ANKHD1: variants seen among roughly 807,000 people sequenced by gnomAD.
ANKHD1 encodes the protein ankyrin repeat and KH domain-containing protein 1.
ANKHD1 carries 31 observed loss-of-function variants against 230.5 expected under a neutral mutation model. That is an observed-to-expected ratio of 0.13 (90% CI 0.10 to 0.18). The LOEUF (loss-of-function observed/expected upper bound fraction) is 0.18. ANKHD1 is among the 10% of genes least tolerant of loss of function. The probability of loss-of-function intolerance (pLI) is 1.00; values close to 1 mark genes in which losing one functional copy is unlikely to be tolerated. For synonymous variants in ANKHD1, 1,074 were observed against 1,117.6 expected, an observed-to-expected ratio of 0.96 and a Z score of 0.78; for missense variants, 2,256 against 3,071.3, an observed-to-expected ratio of 0.73 and a Z score of 6.27.
At chr5:140,430,506 T>G (rs1772948156) in intron 1 of ANKHD1, among the ~76,000 whole-genome samples, 1 of 152,186 alleles carries the variant, frequency 6.6e-6, no homozygotes. Context: ...CTAATTTCAT[T>G]AGACATACTA....
At chr5:140,472,101 CA>C in intron 10 of ANKHD1, 1 of 703,682 alleles carries the variant, frequency 1.4e-6, no homozygotes. Context: ...ACAGTCTCTA[CA>C]GATGAGAATC....
At chr5:140,503,059 T>A (rs568474519) in intron 15 of ANKHD1, among the ~76,000 whole-genome samples, 8 of 152,280 alleles carry the variant, frequency 5.3e-5, no homozygotes, top group Non-Finnish European at 1.0e-4. Flanking sequence ...CTAAACTGAG[T>A]CATTCACACT....
At position 140,529,469 on chromosome 5, in the gene ANKHD1, G is replaced by A; in HGVS notation, c.6523G>A (p.Ala2175Thr). The A allele has an allele frequency of 6.2e-7, 1 of 1,614,188 alleles. No individual in the cohort carries two copies. The change falls in exon 29 of 34, where the codon GCT becomes ACT. Residue 2175 changes from alanine to threonine, a missense_variant. Physicochemically the swap from Ala to Thr is moderately conservative, Grantham distance 58. Around this residue, in one of 13 missense-constraint regions of ANKHD1, gnomAD observed 778 missense variants for 966.5 expected, o/e 0.80. Coordinates refer to ENST00000360839, the MANE Select transcript of ANKHD1 (RefSeq NM_017747.3). ...VTLTPPQGPPAAVQLSSAVNI... is the reference protein window; with the variant it reads ...VTLTPPQGPPTAVQLSSAVNI... ...TTTAACACCACCTCAAGGCCCACCA[G>A]CTGCAGTGCAGCTTTCTTCAGCTGT... is the stretch of plus-strand genomic sequence containing the variant.
intron 1 of ANKHD1, among the ~76,000 whole-genome samples, chr5:140,418,439 C>T (rs541177738): frequency 6.6e-6 from 1 of 152,094 alleles, no homozygotes; most frequent in Non-Finnish European, 1.5e-5. Flanking sequence ...TGAGCCACTA[C>T]GCCTGGCCCA....
Position 140,533,426 on chromosome 5 carries a change from A to G in ANKHD1, c.6851-1936A>G, listed in dbSNP as rs184211345. On this transcript the variant is annotated intron_variant, in intron 29 of 33. Coordinates refer to ENST00000360839, the MANE Select transcript of ANKHD1 (RefSeq NM_017747.3). ...ATCCTGGTTAACACGGTGAAACCCC[A>G]TCTCTACTAAAAATATAAAAAAATT... Among the ~76,000 whole-genome samples, 1,076 of 152,032 alleles carry G rather than the reference A, an allele frequency of 7.1e-3. 10 individuals carry two copies. Among genetic ancestry groups the G allele is most frequent in the African/African-American group, 0.025 (1,020 of 41,494 alleles).
Position 140,441,140 on chromosome 5 carries a change from C to A in ANKHD1, c.911C>A (p.Thr304Lys). The A allele has an allele frequency of 6.3e-7, 1 of 1,583,350 alleles. No individual in the cohort carries two copies. The highest frequency in any genetic ancestry group is 8.6e-7 in the Non-Finnish European group (1 of 1,167,396). Residue 304 changes from threonine (T) to lysine (K), a missense_variant and splice_region_variant, in exon 5 of 34, where the codon ACA (threonine) becomes AAA (lysine). Around this residue, in one of 13 missense-constraint regions of ANKHD1, gnomAD observed 206 missense variants for 304.5 expected, o/e 0.68. Coordinates refer to ENST00000360839, the MANE Select transcript of ANKHD1 (RefSeq NM_017747.3). ...GCTGATGTCAACTCCCAGTCTGCAA[C>A]AGGTATGTAGAAAATGATGTATTAA... ...HDADVNSQSATGNTALTYACA... is the reference protein window; with the variant it reads ...HDADVNSQSAKGNTALTYACA...
intron 10 of ANKHD1, among the ~76,000 whole-genome samples, chr5:140,480,321 G>A (rs185160741): frequency 1.5e-3 from 222 of 151,952 alleles, no homozygotes; most frequent in African/African-American, 5.2e-3. Context: ...GAGGATATTG[G>A]GACTGTACTT....
intron 25 of ANKHD1, chr5:140,524,981 T>C: frequency 3.2e-6 from 1 of 317,146 alleles, no homozygotes; most frequent in Non-Finnish European, 6.2e-6. Context: ...ATTACAGGCG[T>C]GGTGGCACAT....
At chr5:140,412,607 G>A (rs751482528) in intron 1 of ANKHD1, among the ~76,000 whole-genome samples, 1 of 152,144 alleles carries the variant, frequency 6.6e-6, no homozygotes, top group African/African-American at 2.4e-5. Flanking sequence ...CATTTAAAAA[G>A]GATTAAGAAA....
intron 6 of ANKHD1, among the ~76,000 whole-genome samples, chr5:140,446,457 C>G (rs1774289560): frequency 6.6e-6 from 1 of 152,080 alleles, no homozygotes; most frequent in South Asian, 2.1e-4. Context: ...GCCTCCTGGG[C>G]TCAAGTGATT....
At chr5:140,483,532 A>G (rs1035695786) in intron 11 of ANKHD1, among the ~76,000 whole-genome samples, 2 of 128,250 alleles carry the variant, frequency 1.6e-5, no homozygotes, top group African/African-American at 6.2e-5. Context: ...AACTTGGCTT[A>G]CTGCAACCTC....
chr5:140,442,467 A>G (rs528727152), intron 5 of ANKHD1, among the ~76,000 whole-genome samples: 15 of 152,264 alleles, frequency 9.9e-5, no homozygotes, highest in African/African-American at 3.6e-4. Flanking sequence ...TTCACCTCAG[A>G]TAGTCAGTTG....
At chr5:140,472,285 C>T in intron 10 of ANKHD1, 1 of 1,613,492 alleles carries the variant, frequency 6.2e-7, no homozygotes, top group Non-Finnish European at 8.5e-7. Flanking sequence ...ATAGATCCGG[C>T]CAAGCATCAG....
At position 140,441,277 on chromosome 5, in the gene ANKHD1, G is replaced by A. The variant is rs1773827548; in HGVS notation, c.913+135G>A. On this transcript the variant is annotated intron_variant, in intron 5 of 33. Coordinates refer to ENST00000360839, the MANE Select transcript of ANKHD1 (RefSeq NM_017747.3). ...CTTAGCCCTTGTGTAGAATCTTTGA[G>A]TAAAATACAAATTAATTTGACATCC... 3.3e-6 allele frequency: 4 copies of A among 1,201,696 alleles called. No individual in the cohort carries two copies. In the South Asian group the frequency reaches 9.0e-5, roughly 27 times the overall value. The allele number at this position is 1,201,696 out of a possible 1,614,324, so 74.4% of individuals were successfully genotyped here.
chr5:140,490,663 C>T (rs1184265214), intron 14 of ANKHD1, among the ~76,000 whole-genome samples: 3 of 152,204 alleles, frequency 2.0e-5, no homozygotes, highest in Admixed American at 6.5e-5. Flanking sequence ...ACTGGTTCTA[C>T]AGAAAGATTC....
intron 14 of ANKHD1, among the ~76,000 whole-genome samples, chr5:140,495,129 A>C (rs538644925): frequency 6.6e-6 from 1 of 152,238 alleles, no homozygotes; most frequent in South Asian, 2.1e-4. Context: ...ATATGAGTGG[A>C]ATTACACAAT....
intron 15 of ANKHD1, among the ~76,000 whole-genome samples, chr5:140,504,064 T>G (rs114890696): frequency 1.0e-4 from 14 of 134,218 alleles, no homozygotes; most frequent in South Asian, 5.4e-4. Context: ...TCCCCCACCC[T>G]TTTTTTTAGA....
chr5:140,511,846 A>C (rs939225893), intron 22 of ANKHD1, among the ~76,000 whole-genome samples: 7 of 152,336 alleles, frequency 4.6e-5, no homozygotes, highest in African/African-American at 1.7e-4. Context: ...CCCCAGAGGC[A>C]AGCATTTCTC....
intron 1 of ANKHD1, among the ~76,000 whole-genome samples, chr5:140,404,967 CTGTGTGTGTGTGTGTGTGTGTGTGTG>C (rs35692572): frequency 4.4e-5 from 6 of 134,832 alleles, no homozygotes; most frequent in East Asian, 2.1e-4. Context: ...CTGTGCATGT[CTGTGTGTGTGTGTGTGTGTGTGTGTG>C]TGTGTGTGTG....
Sources: allele counts gnomAD v4.1 joint callset (sites outside exome capture counted in the v4.1 genomes callset), GRCh38; gene constraint gnomAD v4.1.1; regional missense constraint gnomAD v4.1.1; transcripts MANE v1.5; gene names NCBI Gene and HGNC (gene_info 2026-07-23, HGNC 2026-07-21).